Variants in ATL2 observed in about 807,000 individuals in gnomAD.
ATL2 encodes atlastin-2.
In ATL2, 31 loss-of-function variants were observed where a neutral mutation model predicts 73.9. The ratio of observed to expected loss-of-function variants is 0.42; its 90% confidence interval spans 0.32 to 0.57. The LOEUF is 0.57. ATL2 is among the 20% of genes least tolerant of loss of function. The pLI is 0.14. For synonymous variants in ATL2, 291 were observed against 237.5 expected, an observed-to-expected ratio of 1.23 and a Z score of -2.07; for missense variants, 738 against 702.6, an observed-to-expected ratio of 1.05 and a Z score of -0.57.
At chr2:38,336,783 T>TA (rs1669381260) in intron 2 of ATL2, among the ~76,000 whole-genome samples, 1 of 152,228 alleles carries the variant, frequency 6.6e-6, no homozygotes, top group Non-Finnish European at 1.5e-5. Context: ...TTCTGAATAC[T>TA]AAGTAAGATA....
At chr2:38,322,923 C>T (rs1331753153) in intron 2 of ATL2, among the ~76,000 whole-genome samples, 9 of 152,152 alleles carry the variant, frequency 5.9e-5, no homozygotes. Flanking sequence ...AATCAGAGAA[C>T]TAATCAGATT....
intron 4 of ATL2, among the ~76,000 whole-genome samples, chr2:38,315,829 C>T (rs1573461622): frequency 6.6e-6 from 1 of 152,294 alleles, no homozygotes; most frequent in East Asian, 1.9e-4. Context: ...TCTCTTTTTA[C>T]TCACACTCCT....
At chr2:38,344,947 A>G (rs1175079464) in intron 1 of ATL2, among the ~76,000 whole-genome samples, 2 of 152,192 alleles carry the variant, frequency 1.3e-5, no homozygotes, top group Admixed American at 1.3e-4. Flanking sequence ...CTTTGCAGAC[A>G]TAACTTTACT....
intron 1 of ATL2, among the ~76,000 whole-genome samples, chr2:38,345,333 T>C (rs1669958431): frequency 6.6e-6 from 1 of 152,194 alleles, no homozygotes; most frequent in African/African-American, 2.4e-5. Context: ...ACATAACCAA[T>C]ATTCACAGAG....
intron 2 of ATL2, among the ~76,000 whole-genome samples, chr2:38,339,851 C>G (rs1287274610): frequency 2.6e-5 from 4 of 152,022 alleles, no homozygotes; most frequent in Non-Finnish European, 5.9e-5. Flanking sequence ...CCACCGCGCC[C>G]AGCTAATTTT....
intron 2 of ATL2, among the ~76,000 whole-genome samples, chr2:38,329,434 A>AAAAAAAAAAAAAAAAAAAAAAC (rs1668856563): frequency 6.8e-6 from 1 of 146,144 alleles, no homozygotes; most frequent in Non-Finnish European, 1.5e-5. Context: ...AAAAAAAAAA[A>AAAAAAAAAAAAAAAAAAAAAAC]AAAAAAAAAA....
At chr2:38,306,401 T>A (rs1667449517) in intron 9 of ATL2, among the ~76,000 whole-genome samples, 1 of 152,172 alleles carries the variant, frequency 6.6e-6, no homozygotes, top group Non-Finnish European at 1.5e-5. Context: ...AAGGCCAGTA[T>A]TACCCTGATA....
At chr2:38,337,651 TG>T (rs1261946919) in intron 2 of ATL2, among the ~76,000 whole-genome samples, 4 of 151,862 alleles carry the variant, frequency 2.6e-5, no homozygotes, top group African/African-American at 9.7e-5. Flanking sequence ...ATAAATTAAT[TG>T]ATCACAGGGA....
At chr2:38,301,927 T>G (rs1316678642) in intron 9 of ATL2, among the ~76,000 whole-genome samples, 1 of 152,200 alleles carries the variant, frequency 6.6e-6, no homozygotes, top group Non-Finnish European at 1.5e-5. Flanking sequence ...GAGAGAGTCT[T>G]TCCTTCTGCG....
chr2:38,324,981 G>C (rs1176282333), intron 2 of ATL2, among the ~76,000 whole-genome samples: 1 of 152,158 alleles, frequency 6.6e-6, no homozygotes, highest in Non-Finnish European at 1.5e-5. Context: ...ACAACAATGT[G>C]AACAGACTTA....
At chr2:38,360,574 C>T (rs1437250015) in intron 1 of ATL2, among the ~76,000 whole-genome samples, 3 of 152,178 alleles carry the variant, frequency 2.0e-5, no homozygotes, top group Admixed American at 2.0e-4. Context: ...TGGGCCACCA[C>T]ACCCAGCCTC....
At chr2:38,377,363 T>TCTCCGCCTGTATCTCCTTGCC, upstream of ATL2, 1 of 959,150 alleles carries the variant, frequency 1.0e-6, no homozygotes, top group East Asian at 3.0e-5. Flanking sequence ...CTAGCGCCGC[T>TCTCCGCCTGTATCTCCTTGCC]CTCCGCCTGT....
At chr2:38,344,167 T>C (rs1047299094) in intron 1 of ATL2, among the ~76,000 whole-genome samples, 2 of 151,988 alleles carry the variant, frequency 1.3e-5, no homozygotes, top group Admixed American at 6.5e-5. Flanking sequence ...CCCTGTATTA[T>C]TCTGTAAATA....
rs546637651 is a variant in ATL2 at position 38,294,965 on chromosome 2, G to C, written c.*1029C>G. On this transcript the variant is annotated 3_prime_UTR_variant, in exon 13 of 13. Coordinates refer to ENST00000378954, the MANE Select transcript of ATL2 (RefSeq NM_001135673.4). ...ACTTTAAAATGCAACAGAGGACAAA[G>C]TCACAATAAACATTCCCATTGAATT... The C allele has an allele frequency of 2.4e-5, 3 of 123,152 alleles. No homozygotes were observed. Among genetic ancestry groups the C allele is most frequent in the Admixed American group, 1.1e-4 (1 of 9,318 alleles). The allele number at this position is 123,152 out of a possible 1,614,324, so 7.6% of individuals were successfully genotyped here. A position where few individuals can be genotyped will look rare whatever the true frequency, so the allele number is the denominator to read the frequency against.
chr2:38,377,606 G>T (rs537194277), upstream of ATL2, among the ~76,000 whole-genome samples: 80 of 152,158 alleles, frequency 5.3e-4, no homozygotes, highest in African/African-American at 1.9e-3. Context: ...GCTGGGCCAG[G>T]CTCTGCAAAC....
At chr2:38,368,702 A>G (rs1671493589) in intron 1 of ATL2, among the ~76,000 whole-genome samples, 1 of 152,268 alleles carries the variant, frequency 6.6e-6, no homozygotes, top group South Asian at 2.1e-4. Flanking sequence ...TAAAAAGCAA[A>G]TATGAAAAAT....
intron 1 of ATL2, among the ~76,000 whole-genome samples, chr2:38,346,568 A>G (rs1311449497): frequency 6.6e-6 from 1 of 152,214 alleles, no homozygotes; most frequent in Non-Finnish European, 1.5e-5. Context: ...CAGTGGTTTC[A>G]GGATAAAACT....
At chr2:38,335,171 G>A (rs1378982853) in intron 2 of ATL2, among the ~76,000 whole-genome samples, 23 of 151,402 alleles carry the variant, frequency 1.5e-4, no homozygotes, top group Admixed American at 1.5e-3. Context: ...AAACCACTTC[G>A]GAAAAAAATT....
chr2:38,300,444 G>T, intron 9 of ATL2, 116 bp from the exon 10 acceptor site: 1 of 662,156 alleles, frequency 1.5e-6, no homozygotes. Context: ...GTAAATTCTA[G>T]GCTTTAAAAA....
Sources: allele counts gnomAD v4.1 joint callset (sites outside exome capture counted in the v4.1 genomes callset), GRCh38; gene constraint gnomAD v4.1.1; transcripts MANE v1.5; gene names NCBI Gene and HGNC (gene_info 2026-07-23, HGNC 2026-07-21).